The following FMNL3 variants were observed in gnomAD, a reference collection of about 807,000 sequenced individuals.
FMNL3 encodes formin like 3.
In FMNL3, 57 loss-of-function variants were observed where a neutral mutation model predicts 119.6. The observed-to-expected ratio is 0.48, with a 90% CI of 0.39 to 0.59. The LOEUF (loss-of-function observed/expected upper bound fraction) is 0.59, where lower values mean the gene tolerates loss of function less well. Among genes scored for constraint, FMNL3 ranks in the 20% least tolerant of loss-of-function variants. The pLI is 0.00. For missense variants in FMNL3, 1,053 were observed against 1,323.5 expected, an observed-to-expected ratio of 0.80 and a Z score of 3.17; for synonymous variants, 491 against 507.3, an observed-to-expected ratio of 0.97 and a Z score of 0.43.
Position 49,641,843 on chromosome 12 carries a change from C to T in FMNL3, c.*3972G>A, listed in dbSNP as rs1942701311. 1.4e-6 allele frequency: 2 copies of T among 1,384,094 alleles called. No individual in the cohort carries two copies. Among genetic ancestry groups the T allele is most frequent in the Non-Finnish European group, 1.0e-6 (1 of 977,734 alleles). 85.7% of individuals were successfully genotyped at this position (1,384,094 alleles called of 1,614,324 possible). A position where few individuals can be genotyped will look rare whatever the true frequency, so the allele number is the denominator to read the frequency against. On this transcript the variant is annotated 3_prime_UTR_variant, in exon 26 of 26. Coordinates refer to ENST00000335154, the MANE Select transcript of FMNL3 (RefSeq NM_175736.5). ...TTCTTGACCATCTGTAATGTGACCA[C>T]TCTGCCTGCCAGCTTTGGCCTCAGG...
chr12:49,662,096 C>T (rs748891225), intron 4 of FMNL3, 47 bp from the exon 5 acceptor site: 2 of 1,582,566 alleles, frequency 1.3e-6, no homozygotes, highest in Admixed American at 3.3e-5. Flanking sequence ...AAAAGTGGGT[C>T]AAGGATGAGG....
intron 10 of FMNL3, 140 bp downstream of exon 10, chr12:49,654,770 G>A (rs1943518789): frequency 1.3e-6 from 1 of 791,094 alleles, no homozygotes; most frequent in Non-Finnish European, 2.0e-6. Flanking sequence ...GTAGGCAGGT[G>A]GACAAGAAGC....
chr12:49,680,141 C>T (rs1314059636), intron 1 of FMNL3, among the ~76,000 whole-genome samples: 1 of 152,214 alleles, frequency 6.6e-6, no homozygotes, highest in African/African-American at 2.4e-5. Context: ...CTGGGCTGCC[C>T]AAAGAGACAG....
chr12:49,659,557 C>T (rs1003277077), intron 5 of FMNL3, among the ~76,000 whole-genome samples: 6 of 152,166 alleles, frequency 3.9e-5, no homozygotes, highest in Non-Finnish European at 7.4e-5. Flanking sequence ...ACTACAGGTG[C>T]GTGCCACCAT....
chr12:49,665,954 AGACTTTC>A, intron 3 of FMNL3, 46 bp from the exon 4 acceptor site: 1 of 1,601,088 alleles, frequency 6.2e-7, no homozygotes, highest in Non-Finnish European at 8.6e-7. Flanking sequence ...GGGCAGTTAT[AGACTTTC>A]CCTCCATTAC....
chr12:49,666,310 C>T, intron 2 of FMNL3, 103 bp from the exon 3 acceptor site: 1 of 1,009,040 alleles, frequency 9.9e-7, no homozygotes, highest in Admixed American at 2.4e-5. Context: ...GAGGGGGACT[C>T]AGCCTCTCCA....
intron 5 of FMNL3, among the ~76,000 whole-genome samples, chr12:49,660,570 G>A (rs957286176): frequency 5.3e-5 from 8 of 152,334 alleles, no homozygotes; most frequent in East Asian, 1.9e-4. Context: ...GAGAGGCGCC[G>A]AACATAGAAG....
intron 5 of FMNL3, chr12:49,659,654 A>T: frequency 2.0e-6 from 1 of 499,340 alleles, no homozygotes; most frequent in South Asian, 8.6e-5. Context: ...GGCTCAAGCA[A>T]TCTCTCATCT....
At position 49,656,496 on chromosome 12, in the gene FMNL3, T is replaced by A; in HGVS notation, c.793A>T (p.Thr265Ser). Reference sequence around the variant, plus strand: ...AGAAGCTCTAAGACAAGGGCTTTGGTCCTAAGGGGTGAAGAAGGAAGATTA... The same window carrying A: ...AGAAGCTCTAAGACAAGGGCTTTGGACCTAAGGGGTGAAGAAGGAAGATTA... ...ALSLNNKNPRTKALVLELLAA... is the reference protein window; with the variant it reads ...ALSLNNKNPRSKALVLELLAA... The change falls in exon 9 of 26, where the codon ACC becomes TCC. Residue 265 changes from threonine (T) to serine (S), a missense_variant and splice_region_variant. Around this residue, in one of 4 missense-constraint regions of FMNL3, gnomAD observed 445 missense variants for 628.4 expected, o/e 0.71. Coordinates refer to ENST00000335154, the MANE Select transcript of FMNL3 (RefSeq NM_175736.5). 6.2e-7 allele frequency: 1 copy of A among 1,613,280 alleles called. No individual in the cohort carries two copies. The highest frequency in any genetic ancestry group is 8.5e-7 in the Non-Finnish European group (1 of 1,179,692).
At chr12:49,665,947 C>A in intron 3 of FMNL3, 39 bp from the exon 4 acceptor site, 1 of 1,603,564 alleles carries the variant, frequency 6.2e-7, no homozygotes, top group Non-Finnish European at 8.5e-7. Context: ...TACAAGAGGG[C>A]AGTTATAGAC....
At position 49,645,898 on chromosome 12, in the gene FMNL3, G is replaced by T. The variant is rs750985199; in HGVS notation, c.3001C>A (p.His1001Asn). 1.1e-5 allele frequency: 18 copies of T among 1,612,352 alleles called. No homozygotes were observed. The highest frequency in any genetic ancestry group is 1.4e-5 in the Non-Finnish European group (16 of 1,179,294). ...TGGCGAACAACCATAGGCTGGCAGT[G>T]GAGGCCTGTGGGGGAAGAGAGAGAC... is the stretch of plus-strand genomic sequence containing the variant. ...GTIEDIITGL[H>N]CQPMVVRHQA... The change falls in exon 26 of 26, where the codon CAC (histidine) becomes AAC (asparagine). Residue 1001 changes from histidine to asparagine, a missense_variant. By Grantham distance (68) the His-to-Asn change is moderately conservative. Transcript: ENST00000335154.
chr12:49,666,062 T>G (rs1281969269), intron 3 of FMNL3, 65 bp downstream of exon 3: 3 of 1,570,304 alleles, frequency 1.9e-6, no homozygotes, highest in Non-Finnish European at 2.6e-6. Context: ...GTCAAAGGGT[T>G]TGCCCCCAAA....
intron 1 of FMNL3, among the ~76,000 whole-genome samples, chr12:49,691,901 C>T (rs1181686729): frequency 2.0e-5 from 3 of 151,676 alleles, no homozygotes; most frequent in Admixed American, 6.6e-5. Flanking sequence ...TGGGCGTGGT[C>T]TTGCACGTCT....
intron 1 of FMNL3, among the ~76,000 whole-genome samples, chr12:49,677,813 G>A (rs1944231314): frequency 6.6e-6 from 1 of 152,180 alleles, no homozygotes. Flanking sequence ...ATTAGACTGT[G>A]GAGTCAAGTA....
chr12:49,685,158 T>C (rs755616766), intron 1 of FMNL3, among the ~76,000 whole-genome samples: 58 of 152,200 alleles, frequency 3.8e-4, no homozygotes, highest in Non-Finnish European at 5.9e-4. Context: ...TGGTGTATGA[T>C]GGTTTTACCC....
chr12:49,706,362 G>A (rs1945047688), intron 1 of FMNL3, among the ~76,000 whole-genome samples: 1 of 152,190 alleles, frequency 6.6e-6, no homozygotes, highest in Non-Finnish European at 1.5e-5. Context: ...AGGGGGGGAG[G>A]AGGCGGGATG....
chr12:49,644,364 G>A lies in FMNL3; in HGVS notation c.*1451C>T. ...TCTCAAGGTTGCTCTTGGTGTTCAAGGGTCCCCTACTCCCTGGACTAGTGC... is the reference window on the plus strand; with the variant it reads ...TCTCAAGGTTGCTCTTGGTGTTCAAAGGTCCCCTACTCCCTGGACTAGTGC... On this transcript the variant is annotated 3_prime_UTR_variant, in exon 26 of 26. Coordinates refer to ENST00000335154, the MANE Select transcript of FMNL3 (RefSeq NM_175736.5). 1.4e-6 allele frequency: 1 copy of A among 736,902 alleles called. No homozygotes were observed. The highest frequency in any genetic ancestry group is 2.3e-6 in the Non-Finnish European group (1 of 438,094). The allele number at this position is 736,902 out of a possible 1,614,324, so 45.6% of individuals were successfully genotyped here. A position where few individuals can be genotyped will look rare whatever the true frequency, so the allele number is the denominator to read the frequency against.
At chr12:49,704,584 G>A (rs961244278) in intron 1 of FMNL3, among the ~76,000 whole-genome samples, 9 of 151,946 alleles carry the variant, frequency 5.9e-5, no homozygotes, top group African/African-American at 1.5e-4. Flanking sequence ...AGTGGCACGC[G>A]CCTGTAATCC....
chr12:49,657,100 T>C lies in FMNL3; in HGVS notation c.696A>G (p.Arg232=). ...DDVHVCILCL[R]AIMNYQYGFN... Reference sequence around the variant, plus strand: ...CCCTTACCTGATAGTTCATGATGGCTCTGAGACAAAGGATACAGACGTGGA... The same window carrying C: ...CCCTTACCTGATAGTTCATGATGGCCCTGAGACAAAGGATACAGACGTGGA... The change falls in exon 7 of 26, where the codon AGA becomes AGG. Residue 232 remains arginine (R), a synonymous_variant. Coordinates refer to ENST00000335154, the MANE Select transcript of FMNL3 (RefSeq NM_175736.5). The C allele has an allele frequency of 3.1e-6, 5 of 1,614,158 alleles. 1 individual carries two copies. The South Asian group carries it at 5.5e-5, about 18-fold the overall frequency.
Sources: allele counts gnomAD v4.1 joint callset (sites outside exome capture counted in the v4.1 genomes callset), GRCh38; gene constraint gnomAD v4.1.1; regional missense constraint gnomAD v4.1.1; transcripts MANE v1.5; gene names NCBI Gene and HGNC (gene_info 2026-07-23, HGNC 2026-07-21).